The following SYNPR variants were observed in gnomAD, a reference collection of about 807,000 sequenced individuals.
SYNPR encodes the protein synaptoporin.
SYNPR carries 23 observed loss-of-function variants against 32.9 expected under a neutral mutation model. That is an observed-to-expected ratio of 0.70 (90% confidence interval 0.50 to 0.99). SYNPR has a LOEUF of 0.99. Ranked by LOEUF, SYNPR falls within the 50% of genes least tolerant of loss-of-function variation. The pLI is 0.00. For synonymous variants in SYNPR, 146 were observed against 135.9 expected (o/e 1.07, Z -0.52); for missense variants, 318 against 349.3 (o/e 0.91, Z 0.71).
intron 1 of SYNPR, among the ~76,000 whole-genome samples, chr3:63,243,801 T>C (rs568434907): frequency 6.6e-6 from 1 of 152,210 alleles, no homozygotes; most frequent in African/African-American, 2.4e-5. Flanking sequence ...GGAAAAGCTA[T>C]GTTTTTAACC....
chr3:63,318,587 C>A (rs1238316817), intron 2 of SYNPR, among the ~76,000 whole-genome samples: 2 of 151,872 alleles, frequency 1.3e-5, no homozygotes, highest in Non-Finnish European at 2.9e-5. Flanking sequence ...TAAAAGTGTG[C>A]CCAAAGTTTC....
intron 2 of SYNPR, among the ~76,000 whole-genome samples, chr3:63,389,799 A>T (rs2088107909): frequency 6.6e-6 from 1 of 151,912 alleles, no homozygotes; most frequent in Admixed American, 6.5e-5. Flanking sequence ...TTGGAAAGTT[A>T]TTTCTATTCT....
chr3:63,206,492 C>T, the SYNPR span, among the ~76,000 whole-genome samples: 17 of 151,756 alleles, frequency 1.1e-4, no homozygotes, highest in African/African-American at 2.2e-4. Flanking sequence ...GCCCAGGAGG[C>T]GGAGGTTGCA....
intron 3 of SYNPR, among the ~76,000 whole-genome samples, chr3:63,513,453 A>G (rs1208424580): frequency 1.3e-5 from 2 of 152,110 alleles, no homozygotes; most frequent in Non-Finnish European, 2.9e-5. Flanking sequence ...CGTAGATCCC[A>G]CTTTGTCCTT....
At chr3:63,610,981 A>C (rs917498365) in intron 5 of SYNPR, among the ~76,000 whole-genome samples, 4 of 152,210 alleles carry the variant, frequency 2.6e-5, no homozygotes, top group Admixed American at 2.0e-4. Flanking sequence ...GTAGTGATGT[A>C]TCCATATCAG....
intron 2 of SYNPR, among the ~76,000 whole-genome samples, chr3:63,451,088 GC>G (rs1700373262): frequency 6.6e-6 from 1 of 152,120 alleles, no homozygotes; most frequent in South Asian, 2.1e-4. Flanking sequence ...ATCTTCATCT[GC>G]AAAATGGAAA....
chr3:63,520,134 C>T (rs895955265), intron 3 of SYNPR, among the ~76,000 whole-genome samples: 1 of 152,118 alleles, frequency 6.6e-6, no homozygotes, highest in Non-Finnish European at 1.5e-5. Flanking sequence ...AATATGTGAC[C>T]CGGCATGTCC....
chr3:63,541,042 GT>G (rs1233644152), intron 3 of SYNPR, among the ~76,000 whole-genome samples: 1 of 151,434 alleles, frequency 6.6e-6, no homozygotes, highest in African/African-American at 2.4e-5. Flanking sequence ...AGATGAACAT[GT>G]GACCTAATTT....
At chr3:63,303,486 T>C (rs1445720352) in intron 2 of SYNPR, among the ~76,000 whole-genome samples, 3 of 152,024 alleles carry the variant, frequency 2.0e-5, no homozygotes, top group Admixed American at 2.0e-4. Context: ...ATGTGAACCA[T>C]GTGTATGAAT....
At chr3:63,292,438 T>C (rs2086749240) in intron 2 of SYNPR, among the ~76,000 whole-genome samples, 1 of 152,200 alleles carries the variant, frequency 6.6e-6, no homozygotes, top group South Asian at 2.1e-4. Context: ...TAGTGCTACC[T>C]TTAAAAAATG....
the SYNPR span, among the ~76,000 whole-genome samples, chr3:63,206,561 A>C: frequency 7.0e-4 from 106 of 151,144 alleles, no homozygotes; most frequent in African/African-American, 2.0e-3. Context: ...ACTGTGTCTC[A>C]AAAAAAAAGA....
rs188740512 is a variant in SYNPR, at chr3:63,259,676, C to T, written n.154+7090C>T. Among the ~76,000 whole-genome samples the T allele has an allele frequency of 4.6e-5, 7 of 152,262 alleles. No individual in the cohort carries two copies. In the East Asian group the frequency reaches 1.4e-3, roughly 29 times the overall value. On this transcript the variant is annotated intron_variant and non_coding_transcript_variant, in intron 2 of 4. Transcript: ENST00000478456. ...TGAAAACTGGTACAAGACAGGGATG[C>T]CCTCTCTCACCACTCCTATTCAACA...
chr3:63,424,632 T>C (rs1441941262), intron 2 of SYNPR, among the ~76,000 whole-genome samples: 2 of 152,190 alleles, frequency 1.3e-5, no homozygotes, highest in African/African-American at 4.8e-5. Context: ...TCTTTAAACC[T>C]TCCGGATTAA....
At chr3:63,560,003 C>T (rs1042546920) in intron 4 of SYNPR, among the ~76,000 whole-genome samples, 11 of 152,188 alleles carry the variant, frequency 7.2e-5, no homozygotes, top group Non-Finnish European at 1.2e-4. Flanking sequence ...CCACATTCTA[C>T]TCATATAAAA....
intron 2 of SYNPR, among the ~76,000 whole-genome samples, chr3:63,383,489 G>A (rs2088000377): frequency 6.6e-6 from 1 of 152,028 alleles, no homozygotes; most frequent in Admixed American, 6.6e-5. Flanking sequence ...GGCCAAGGTG[G>A]GCAGATTGCC....
intron 4 of SYNPR, among the ~76,000 whole-genome samples, chr3:63,599,201 C>CA (rs1700003526): frequency 6.6e-6 from 1 of 152,070 alleles, no homozygotes; most frequent in African/African-American, 2.4e-5. Context: ...ACATCATAGC[C>CA]ATCATAATGT....
intron 5 of SYNPR, among the ~76,000 whole-genome samples, chr3:63,613,491 G>A (rs570135503): frequency 1.3e-5 from 2 of 151,864 alleles, no homozygotes; most frequent in East Asian, 3.9e-4. Context: ...GGAAGAAGGA[G>A]GGAGGTCTGT....
chr3:63,467,156 G>A (rs540299356), intron 2 of SYNPR, among the ~76,000 whole-genome samples: 7 of 152,134 alleles, frequency 4.6e-5, no homozygotes, highest in Admixed American at 1.3e-4. Flanking sequence ...GACTACAGGC[G>A]CATGCCACCC....
chr3:63,317,517 TTAGAATTTG>T (rs2087055915), intron 2 of SYNPR, among the ~76,000 whole-genome samples: 1 of 152,026 alleles, frequency 6.6e-6, no homozygotes, highest in African/African-American at 2.4e-5. Context: ...TGCTGTTTCT[TTAGAATTTG>T]TTTTGTCTGA....
Sources: allele counts gnomAD v4.1 joint callset (sites outside exome capture counted in the v4.1 genomes callset), GRCh38; gene constraint gnomAD v4.1.1; transcripts MANE v1.5; gene names NCBI Gene and HGNC (gene_info 2026-07-23, HGNC 2026-07-21).